Variants in GRM5 observed in about 807,000 individuals in gnomAD.
GRM5 encodes the protein glutamate metabotropic receptor 5.
Under a neutral mutation model 83.1 loss-of-function variants are expected in GRM5, and 19 were observed. That is an observed-to-expected ratio of 0.23 (90% confidence interval 0.16 to 0.34). The LOEUF is 0.34. GRM5 is among the 10% of genes least tolerant of loss of function. The pLI is 1.00. For missense variants in GRM5, 1,160 were observed against 1,588.3 expected (o/e 0.73, Z 4.58); for synonymous variants, 675 against 633.6 (o/e 1.07, Z -0.98).
At chr11:88,954,528 C>T (rs1938551087) in intron 2 of GRM5, among the ~76,000 whole-genome samples, 1 of 152,112 alleles carries the variant, frequency 6.6e-6, no homozygotes, top group African/African-American at 2.4e-5. Context: ...ACATGAGAGC[C>T]CAGCACTGCT....
chr11:89,061,125 A>G (rs1941982761), intron 1 of GRM5, among the ~76,000 whole-genome samples: 1 of 152,170 alleles, frequency 6.6e-6, no homozygotes, highest in African/African-American at 2.4e-5. Flanking sequence ...CTAATATTTT[A>G]TAAAGTTGGT....
intron 3 of GRM5, among the ~76,000 whole-genome samples, chr11:88,745,099 A>G (rs1942105655): frequency 6.6e-6 from 1 of 152,118 alleles, no homozygotes. Flanking sequence ...TAGTCAAGAA[A>G]TGGAAAAGCC....
At chr11:88,571,262 G>C (rs1263333003) in intron 7 of GRM5, among the ~76,000 whole-genome samples, 1 of 152,222 alleles carries the variant, frequency 6.6e-6, no homozygotes, top group East Asian at 1.9e-4. Context: ...AAACTCATTA[G>C]ATATATGTGT....
intron 3 of GRM5, among the ~76,000 whole-genome samples, chr11:88,736,710 T>A (rs1399564806): frequency 2.0e-5 from 3 of 152,050 alleles, no homozygotes; most frequent in Non-Finnish European, 4.4e-5. Flanking sequence ...GGATTCTGGA[T>A]AATTCACTGA....
intron 2 of GRM5, among the ~76,000 whole-genome samples, chr11:88,951,823 G>A (rs766122265): frequency 2.6e-5 from 4 of 152,154 alleles, no homozygotes; most frequent in Non-Finnish European, 1.5e-5. Context: ...TGGCATGGAT[G>A]TCTGTTTGCA....
At chr11:88,887,949 G>T (rs1426712819) in intron 2 of GRM5, among the ~76,000 whole-genome samples, 1 of 152,104 alleles carries the variant, frequency 6.6e-6, no homozygotes, top group African/African-American at 2.4e-5. Context: ...GCAACTTCCA[G>T]GGGAACCACC....
chr11:88,748,562 C>A (rs947777362), intron 3 of GRM5, among the ~76,000 whole-genome samples: 4 of 152,104 alleles, frequency 2.6e-5, no homozygotes, highest in Non-Finnish European at 5.9e-5. Flanking sequence ...GGGTTCACCG[C>A]AATGCAGTGT....
intron 3 of GRM5, among the ~76,000 whole-genome samples, chr11:88,665,162 T>TCACACACACACACACACAC (rs148243172): frequency 7.1e-6 from 1 of 140,910 alleles, no homozygotes; most frequent in Non-Finnish European, 1.6e-5. Context: ...TTAATTTATT[T>TCACACACACACACACACAC]ACACACACAC....
At chr11:88,938,439 T>C (rs1299377758) in intron 2 of GRM5, among the ~76,000 whole-genome samples, 1 of 151,572 alleles carries the variant, frequency 6.6e-6, no homozygotes, top group Non-Finnish European at 1.5e-5. Flanking sequence ...GAGCCTGACA[T>C]TCAACAAGAA....
chr11:88,806,561 A>T (rs1410476732), intron 3 of GRM5, among the ~76,000 whole-genome samples: 1 of 152,264 alleles, frequency 6.6e-6, no homozygotes, highest in Non-Finnish European at 1.5e-5. Flanking sequence ...TAGGCAGTTG[A>T]TCTCAACTGT....
At chr11:88,663,262 C>T (rs1939952534) in intron 3 of GRM5, among the ~76,000 whole-genome samples, 1 of 152,156 alleles carries the variant, frequency 6.6e-6, no homozygotes, top group South Asian at 2.1e-4. Flanking sequence ...GAATATCCAT[C>T]CTGTCTTGAT....
At chr11:88,610,196 A>T (rs1201997428) in intron 4 of GRM5, among the ~76,000 whole-genome samples, 2 of 151,456 alleles carry the variant, frequency 1.3e-5, no homozygotes. Context: ...TTTTTGCTTG[A>T]TTTGAGATCT....
At chr11:88,520,678 T>C (rs1941656181) in intron 9 of GRM5, among the ~76,000 whole-genome samples, 1 of 152,182 alleles carries the variant, frequency 6.6e-6, no homozygotes, top group Non-Finnish European at 1.5e-5. Flanking sequence ...TGGTTCATAA[T>C]AGGTGCTTAA....
intron 8 of GRM5, among the ~76,000 whole-genome samples, chr11:88,545,175 A>G (rs1405540962): frequency 6.6e-6 from 1 of 152,094 alleles, no homozygotes; most frequent in Non-Finnish European, 1.5e-5. Context: ...TATCACTTGT[A>G]TCTGGGTCTC....
At chr11:88,847,931 T>G (rs1944326271) in intron 3 of GRM5, among the ~76,000 whole-genome samples, 1 of 152,234 alleles carries the variant, frequency 6.6e-6, no homozygotes, top group African/African-American at 2.4e-5. Flanking sequence ...TTACTTAGTG[T>G]ACATGGGATC....
intron 8 of GRM5, among the ~76,000 whole-genome samples, chr11:88,557,253 G>T (rs1942651250): frequency 6.6e-6 from 1 of 152,138 alleles, no homozygotes; most frequent in Non-Finnish European, 1.5e-5. Flanking sequence ...TGAGATAACA[G>T]ATAAAAGTAC....
At chr11:88,961,660 A>T (rs1938787578) in intron 2 of GRM5, among the ~76,000 whole-genome samples, 1 of 152,204 alleles carries the variant, frequency 6.6e-6, no homozygotes, top group Non-Finnish European at 1.5e-5. Context: ...CCAAACTTCA[A>T]CATAACATTC....
chr11:88,896,241 A>T (rs565936481), intron 2 of GRM5, among the ~76,000 whole-genome samples: 2 of 152,022 alleles, frequency 1.3e-5, no homozygotes, highest in South Asian at 4.1e-4. Context: ...AATCACTGAC[A>T]TACATAAATA....
At chr11:88,936,702 A>G (rs927823788) in intron 2 of GRM5, among the ~76,000 whole-genome samples, 1 of 151,874 alleles carries the variant, frequency 6.6e-6, no homozygotes, top group Non-Finnish European at 1.5e-5. Flanking sequence ...TGATAACTTT[A>G]AACAGTCATT....
Sources: gnomAD v4.1 joint callset for allele counts (sites outside exome capture counted in the v4.1 genomes callset) on GRCh38, gnomAD v4.1.1 for gene constraint, MANE v1.5 for transcripts, NCBI Gene and HGNC (gene_info 2026-07-23, HGNC 2026-07-21) for gene names.